The following GPCPD1 variants were observed in gnomAD, a reference collection of about 807,000 sequenced individuals.
GPCPD1 encodes the protein glycerophosphocholine phosphodiesterase GPCPD1.
In GPCPD1, 29 loss-of-function variants were observed where a neutral mutation model predicts 89.2. The ratio of observed to expected loss-of-function variants is 0.33; its 90% confidence interval spans 0.24 to 0.44. GPCPD1 has a LOEUF of 0.44. GPCPD1 is among the 20% of genes least tolerant of loss of function. GPCPD1 has a pLI of 1.00. For missense variants in GPCPD1, 594 were observed against 808.9 expected (o/e 0.73, Z 3.22); for synonymous variants, 258 against 266.3 (o/e 0.97, Z 0.30).
At chr20:5,547,900 T>G (rs1197465121) in intron 19 of GPCPD1, 50 bp from the exon 20 acceptor site, 1 of 1,008,376 alleles carries the variant, frequency 9.9e-7, no homozygotes, top group African/African-American at 1.6e-5. Context: ...TTTTATGGTT[T>G]ACCTAAGACC....
At chr20:5,578,267 C>A in intron 8 of GPCPD1, 113 bp downstream of exon 8, 5 of 684,894 alleles carry the variant, frequency 7.3e-6, no homozygotes, top group Non-Finnish European at 1.3e-5. Context: ...GAAGAGCATA[C>A]CTCTAAAAAG....
At position 5,606,105 on chromosome 20, in the gene GPCPD1, TGTCA is replaced by T. The variant is rs554819486; in HGVS notation, c.-28-1669_-28-1666del. Among the ~76,000 whole-genome samples the T allele has an allele frequency of 1.8e-4, 27 of 152,332 alleles. No homozygotes were observed. The East Asian group carries it at 3.3e-3, about 19-fold the overall frequency. On this transcript the variant is annotated intron_variant, in intron 1 of 19. Coordinates refer to ENST00000379019, the MANE Select transcript of GPCPD1 (RefSeq NM_019593.5). ...CTAGCTAATTTTTTCATTTCTTCCCTGTCAGTCAAAGGAATCTGTTTCCCATCCA... is the reference window on the plus strand; with the variant it reads ...CTAGCTAATTTTTTCATTTCTTCCCTGTCAAAGGAATCTGTTTCCCATCCA...
At chr20:5,552,714 G>A (rs1264423245) in intron 19 of GPCPD1, among the ~76,000 whole-genome samples, 2 of 152,178 alleles carry the variant, frequency 1.3e-5, no homozygotes, top group Non-Finnish European at 2.9e-5. Context: ...GCTATTTCAT[G>A]CAAAATTAAC....
At position 5,564,889 on chromosome 20, in the gene GPCPD1, G is replaced by A. The variant is rs1018076298; in HGVS notation, c.1329+128C>T. ...AGTATCTTCTCTAAAAGGCACCAAT[G>A]ATGATAAATTCATATTAACATTGTC... is the stretch of plus-strand genomic sequence containing the variant. On this transcript the variant is annotated intron_variant, in intron 15 of 19. Transcript: ENST00000379019. 1.5e-5 allele frequency: 10 copies of A among 679,710 alleles called. No individual in the cohort carries two copies. The Admixed American group carries it at 2.3e-4, about 16-fold the overall frequency. The allele number at this position is 679,710 out of a possible 1,614,324, so 42.1% of individuals were successfully genotyped here.
intron 13 of GPCPD1, 122 bp downstream of exon 13, chr20:5,567,361 A>T: frequency 5.0e-6 from 6 of 1,192,222 alleles, no homozygotes; most frequent in Non-Finnish European, 6.9e-6. Context: ...ATACCAAAGC[A>T]CATAGTCTAC....
intron 12 of GPCPD1, among the ~76,000 whole-genome samples, chr20:5,568,626 C>T (rs535564319): frequency 2.6e-5 from 4 of 152,134 alleles, no homozygotes; most frequent in East Asian, 1.9e-4. Context: ...GTAGCTTGGC[C>T]GGGTGCAGTG....
At chr20:5,603,597 G>A (rs1980329620) in intron 2 of GPCPD1, among the ~76,000 whole-genome samples, 1 of 152,164 alleles carries the variant, frequency 6.6e-6, no homozygotes, top group Non-Finnish European at 1.5e-5. Flanking sequence ...AGTTTTATGA[G>A]AGCCCAGGTG....
At position 5,592,193 on chromosome 20, in the gene GPCPD1, T is replaced by C. The variant is rs566951351; in HGVS notation, c.231+1134A>G. 2.2e-4 allele frequency among the ~76,000 whole-genome samples: 34 copies of C among 152,346 alleles called. No homozygotes were observed. In the East Asian group the frequency reaches 6.0e-3, roughly 27 times the overall value. On this transcript the variant is annotated intron_variant, in intron 4 of 19. Transcript: ENST00000379019. Reference sequence around the variant, plus strand: ...TCACATATTACAAAGCTAAATTTCATATACCAGGATCCTCAGGTAAACTTT... The same window carrying C: ...TCACATATTACAAAGCTAAATTTCACATACCAGGATCCTCAGGTAAACTTT...
At chr20:5,571,598 T>A (rs1986721331) in intron 11 of GPCPD1, among the ~76,000 whole-genome samples, 1 of 152,120 alleles carries the variant, frequency 6.6e-6, no homozygotes, top group African/African-American at 2.4e-5. Flanking sequence ...TGAAATCCTC[T>A]CTCAAAAAGC....
At chr20:5,557,173 CT>C (rs1479000308) in intron 19 of GPCPD1, among the ~76,000 whole-genome samples, 5 of 152,298 alleles carry the variant, frequency 3.3e-5, no homozygotes, top group Admixed American at 1.3e-4. Context: ...CAGGCTTCAG[CT>C]TTTCCTTTAG....
At chr20:5,548,011 T>C (rs1985129026) in intron 19 of GPCPD1, among the ~76,000 whole-genome samples, 161 bp from the exon 20 acceptor site, 1 of 152,226 alleles carries the variant, frequency 6.6e-6, no homozygotes, top group African/African-American at 2.4e-5. Context: ...TCCATTCTCT[T>C]TTTTAAAATT....
At position 5,549,521 on chromosome 20, in the gene GPCPD1, G is replaced by C. The variant is rs114590350; in HGVS notation, c.1830-1671C>G. 192 of 1,073,080 alleles carry C rather than the reference G, an allele frequency of 1.8e-4. No homozygotes were observed. In the African/African-American group the frequency reaches 2.1e-3, roughly 12 times the overall value. The allele number at this position is 1,073,080 out of a possible 1,614,324, so 66.5% of individuals were successfully genotyped here. On this transcript the variant is annotated intron_variant, in intron 19 of 19. Transcript: ENST00000379019. ...AGTATTCTTCTGAGTATTCTCATAAGAGACCAAGTCAAGCAATCGAGATTT... is the reference window on the plus strand; with the variant it reads ...AGTATTCTTCTGAGTATTCTCATAACAGACCAAGTCAAGCAATCGAGATTT...
At chr20:5,586,061 G>A (rs1978899518) in intron 5 of GPCPD1, 133 bp downstream of exon 5, 1 of 467,014 alleles carries the variant, frequency 2.1e-6, no homozygotes, top group Non-Finnish European at 3.9e-6. Context: ...GAAATGCTCA[G>A]TGAAATTTGT....
chr20:5,588,824 C>CA (rs1979118027), intron 4 of GPCPD1, among the ~76,000 whole-genome samples: 1 of 135,200 alleles, frequency 7.4e-6, no homozygotes, highest in African/African-American at 2.8e-5. Flanking sequence ...GACTATGTCT[C>CA]AAAAAAGAAA....
intron 4 of GPCPD1, among the ~76,000 whole-genome samples, chr20:5,592,637 T>C (rs1979410872): frequency 6.6e-6 from 1 of 152,196 alleles, no homozygotes. Context: ...GCCTAAACCC[T>C]TGTTCATATG....
intron 19 of GPCPD1, among the ~76,000 whole-genome samples, chr20:5,550,852 G>A (rs1377081745): frequency 1.3e-5 from 2 of 152,074 alleles, no homozygotes; most frequent in Admixed American, 6.5e-5. Flanking sequence ...GGAAACAGGA[G>A]ATCTAACACA....
chr20:5,595,640 C>CAAAAAA (rs59154830), intron 3 of GPCPD1, among the ~76,000 whole-genome samples: 4 of 151,634 alleles, frequency 2.6e-5, no homozygotes, highest in African/African-American at 9.7e-5. Flanking sequence ...GATTCCATCT[C>CAAAAAA]AAAACAAAAA....
intron 2 of GPCPD1, among the ~76,000 whole-genome samples, chr20:5,600,170 C>T (rs1257523610): frequency 6.6e-6 from 1 of 152,236 alleles, no homozygotes; most frequent in African/African-American, 2.4e-5. Flanking sequence ...TTGTACTCAG[C>T]TTTAGCCACC....
In GPCPD1 at chr20:5,600,867, G is replaced by A. The variant is rs145926526; in HGVS notation, c.50-2046C>T. Among the ~76,000 whole-genome samples, 104 of 151,834 alleles carry A rather than the reference G, an allele frequency of 6.8e-4. 1 individual carries two copies. Among genetic ancestry groups the A allele is most frequent in the African/African-American group, 2.4e-3 (99 of 41,408 alleles). On this transcript the variant is annotated intron_variant, in intron 2 of 19. Transcript: ENST00000379019. The stretch of plus-strand genomic sequence containing the variant: ...TAGCCGGGTATGGTGGCAAGCACCT[G>A]TAATCGCAACTACTCAGGAGGATGA...
Sources: gnomAD v4.1 joint callset for allele counts (sites outside exome capture counted in the v4.1 genomes callset) on GRCh38, gnomAD v4.1.1 for gene constraint, MANE v1.5 for transcripts, NCBI Gene and HGNC (gene_info 2026-07-23, HGNC 2026-07-21) for gene names.